CMIP: variants seen among roughly 807,000 people sequenced by gnomAD.
The protein encoded by CMIP is c-Maf inducing protein.
Under a neutral mutation model 97.3 loss-of-function variants are expected in CMIP, and 13 were observed. That is an observed-to-expected ratio of 0.13 (90% CI 0.09 to 0.21). The LOEUF (loss-of-function observed/expected upper bound fraction) is 0.21. Among genes scored for constraint, CMIP ranks in the 10% least tolerant of loss-of-function variants. The probability of loss-of-function intolerance (pLI) is 1.00; values close to 1 mark genes in which losing one functional copy is unlikely to be tolerated. For missense variants in CMIP, 847 were observed against 1,024.9 expected (o/e 0.83, Z 2.37); for synonymous variants, 538 against 436.3 (o/e 1.23, Z -2.91).
At chr16:81,677,355 C>T (rs772031334) in intron 9 of CMIP, among the ~76,000 whole-genome samples, 20 of 152,134 alleles carry the variant, frequency 1.3e-4, no homozygotes, top group Non-Finnish European at 1.9e-4. Flanking sequence ...ACCGTCTTTC[C>T]TCACCTGTGG....
chr16:81,673,692 C>T (rs775746355), intron 9 of CMIP, among the ~76,000 whole-genome samples: 1 of 152,200 alleles, frequency 6.6e-6, no homozygotes, highest in East Asian at 1.9e-4. Flanking sequence ...GCTCCCATCC[C>T]TCGCTGGCTG....
intron 3 of CMIP, among the ~76,000 whole-genome samples, chr16:81,643,464 G>A (rs1035771163): frequency 6.6e-6 from 1 of 152,224 alleles, no homozygotes; most frequent in African/African-American, 2.4e-5. Flanking sequence ...ACACAACACT[G>A]TGCTAAACGC....
chr16:81,487,172 G>A (rs531780221), intron 1 of CMIP, among the ~76,000 whole-genome samples: 12 of 152,212 alleles, frequency 7.9e-5, no homozygotes, highest in African/African-American at 1.4e-4. Flanking sequence ...TGAACCGGGG[G>A]GGGTGTGGGG....
intron 1 of CMIP, among the ~76,000 whole-genome samples, chr16:81,459,016 C>T (rs56096714): frequency 0.28 from 39,262 of 140,458 alleles, 6,054 homozygotes; most frequent in Admixed American, 0.43. Flanking sequence ...CCGTCACCGT[C>T]ACCATCACTG....
chr16:81,623,850 C>T (rs532305024), intron 3 of CMIP, among the ~76,000 whole-genome samples: 10 of 152,128 alleles, frequency 6.6e-5, no homozygotes, highest in African/African-American at 1.4e-4. Context: ...GGTTCATTGT[C>T]GTTAAGCAGG....
intron 1 of CMIP, among the ~76,000 whole-genome samples, chr16:81,566,125 A>G (rs2090979656): frequency 6.6e-6 from 1 of 152,258 alleles, no homozygotes; most frequent in South Asian, 2.1e-4. Context: ...TGTCTCGGAC[A>G]GTCCAGGGGA....
chr16:81,513,436 C>A (rs2089852065), intron 1 of CMIP, among the ~76,000 whole-genome samples: 1 of 152,220 alleles, frequency 6.6e-6, no homozygotes, highest in African/African-American at 2.4e-5. Context: ...GCAAGCTGAT[C>A]TGCCATACCA....
intron 3 of CMIP, among the ~76,000 whole-genome samples, chr16:81,637,771 G>T (rs1362322968): frequency 1.5e-5 from 2 of 132,426 alleles, no homozygotes; most frequent in Non-Finnish European, 3.6e-5. Flanking sequence ...GGCATGCTGA[G>T]CATGGGGCTG....
At chr16:81,690,018 C>G (rs1284770532) in intron 10 of CMIP, among the ~76,000 whole-genome samples, 4 of 152,282 alleles carry the variant, frequency 2.6e-5, no homozygotes, top group African/African-American at 9.6e-5. Flanking sequence ...GTCTGTATCT[C>G]TGTTTTGGTA....
intron 1 of CMIP, among the ~76,000 whole-genome samples, chr16:81,579,193 T>C (rs74029200): frequency 0.067 from 10,218 of 152,256 alleles, 704 homozygotes; most frequent in African/African-American, 0.17. Flanking sequence ...GATAAGGGGT[T>C]ACTTCTTAAC....
At chr16:81,636,257 A>C (rs968863930) in intron 3 of CMIP, among the ~76,000 whole-genome samples, 1 of 152,156 alleles carries the variant, frequency 6.6e-6, no homozygotes. Context: ...AAAAGTAGTA[A>C]GATCTCAGAT....
At position 81,453,488 on chromosome 16, in the gene CMIP, G is replaced by A. The variant is rs1906360140; in HGVS notation, c.300+7947G>A. 6.6e-6 allele frequency among the ~76,000 whole-genome samples: 1 copy of A among 152,186 alleles called. No homozygotes were observed. On this transcript the variant is annotated intron_variant, in intron 1 of 20. Coordinates refer to ENST00000537098, the MANE Select transcript of CMIP (RefSeq NM_198390.3). The surrounding 1 kb of genome is among the most constrained non-coding windows in gnomAD (Gnocchi z 4.0). ...AGTGCCAGTTTCCTTAGAGGTCCAG[G>A]ATATCTGAAAATTGGAGCACACAGT...
chr16:81,477,164 CTT>C (rs970525007), intron 1 of CMIP, among the ~76,000 whole-genome samples: 2 of 151,078 alleles, frequency 1.3e-5, no homozygotes, highest in Non-Finnish European at 3.0e-5. Context: ...GCCCTGAACT[CTT>C]TTTTTTTGAA....
intron 1 of CMIP, among the ~76,000 whole-genome samples, chr16:81,448,907 G>A (rs866986684): frequency 1.3e-5 from 2 of 152,236 alleles, no homozygotes; most frequent in African/African-American, 2.4e-5. Context: ...CCAGTTCCTG[G>A]GCCTCACTGG....
chr16:81,680,997 A>G (rs1308073290), intron 10 of CMIP, among the ~76,000 whole-genome samples: 3 of 152,148 alleles, frequency 2.0e-5, no homozygotes, highest in Non-Finnish European at 4.4e-5. Flanking sequence ...GTTCTCCCCC[A>G]TCTGCGTCCA....
At chr16:81,556,485 C>G (rs561561423) in intron 1 of CMIP, among the ~76,000 whole-genome samples, 1 of 152,324 alleles carries the variant, frequency 6.6e-6, no homozygotes, top group South Asian at 2.1e-4. Flanking sequence ...GATTTCTCCA[C>G]AATGTGCCAA....
At chr16:81,654,901 T>C (rs576847750) in intron 4 of CMIP, among the ~76,000 whole-genome samples, 21 of 152,174 alleles carry the variant, frequency 1.4e-4, no homozygotes, top group African/African-American at 4.6e-4. Flanking sequence ...AGAAACCGTG[T>C]TGTAGGGTCG....
intron 1 of CMIP, among the ~76,000 whole-genome samples, chr16:81,456,498 G>T (rs183767748): frequency 2.6e-5 from 4 of 152,332 alleles, no homozygotes; most frequent in African/African-American, 9.6e-5. Context: ...AGTAAGGATA[G>T]TGAGCACTTA....
intron 13 of CMIP, among the ~76,000 whole-genome samples, chr16:81,693,854 A>C (rs1191312046): frequency 1.3e-5 from 2 of 152,160 alleles, no homozygotes; most frequent in Non-Finnish European, 2.9e-5. Context: ...CTGAGCTGGG[A>C]TTCAGAGCTG....
Sources: allele counts gnomAD v4.1 joint callset (sites outside exome capture counted in the v4.1 genomes callset), GRCh38; gene constraint gnomAD v4.1.1; non-coding constraint Gnocchi (gnomAD v3.1); transcripts MANE v1.5; gene names NCBI Gene and HGNC (gene_info 2026-07-23, HGNC 2026-07-21).